EPHA5: variants seen among roughly 807,000 people sequenced by gnomAD.
EPHA5 encodes the protein EPH receptor A5.
Under a neutral mutation model 105.0 loss-of-function variants are expected in EPHA5, and 60 were observed. The ratio of observed to expected loss-of-function variants is 0.57; its 90% CI spans 0.46 to 0.71. The LOEUF (loss-of-function observed/expected upper bound fraction) is 0.71, where lower values mean the gene tolerates loss of function less well. EPHA5 is among the 30% of genes least tolerant of loss of function. The pLI, the probability that EPHA5 is intolerant of heterozygous loss-of-function variation, is 0.00. For synonymous variants in EPHA5, 513 were observed against 449.1 expected (o/e 1.14, Z -1.80); for missense variants, 1,218 against 1,274.7 (o/e 0.96, Z 0.68).
chr4:65,581,392 G>T (rs555009031), intron 3 of EPHA5, among the ~76,000 whole-genome samples: 33 of 151,642 alleles, frequency 2.2e-4, no homozygotes, highest in African/African-American at 7.7e-4. Context: ...AAAGATTAGA[G>T]GGTAAATTAT....
At chr4:65,515,245 T>C (rs1733993536) in intron 3 of EPHA5, among the ~76,000 whole-genome samples, 1 of 152,252 alleles carries the variant, frequency 6.6e-6, no homozygotes, top group East Asian at 1.9e-4. Flanking sequence ...TTTAAACAAA[T>C]CTTGTATTCA....
Position 65,540,840 on chromosome 4 carries a change from C to G in EPHA5, c.911-45297G>C, listed in dbSNP as rs115805994. ...AGAGATCCCATCCCCACCTTTACCT[C>G]AGAATCACATAGCAGTCAATTTTAT... On this transcript the variant is annotated intron_variant, in intron 3 of 16. Coordinates refer to ENST00000613740, the MANE Select transcript of EPHA5 (RefSeq NM_001281766.3). Among the ~76,000 whole-genome samples the G allele has an allele frequency of 9.1e-3, 1,320 of 144,930 alleles. 27 individuals are homozygous for G. Among genetic ancestry groups the G allele is most frequent in the African/African-American group, 0.031 (1,241 of 39,712 alleles).
At chr4:65,423,534 C>T (rs1724132572) in intron 5 of EPHA5, among the ~76,000 whole-genome samples, 1 of 151,930 alleles carries the variant, frequency 6.6e-6, no homozygotes, top group Admixed American at 6.6e-5. Flanking sequence ...ATCAATATGA[C>T]ATGGATATTT....
chr4:65,503,934 C>T (rs1732747349), intron 3 of EPHA5, among the ~76,000 whole-genome samples: 1 of 151,340 alleles, frequency 6.6e-6, no homozygotes, highest in African/African-American at 2.4e-5. Context: ...CACACACACA[C>T]ACACACACAC....
At chr4:65,411,789 G>A (rs965149355) in intron 7 of EPHA5, among the ~76,000 whole-genome samples, 1 of 152,128 alleles carries the variant, frequency 6.6e-6, no homozygotes, top group African/African-American at 2.4e-5. Context: ...AATTATCATT[G>A]TGTATCTTCT....
intron 3 of EPHA5, among the ~76,000 whole-genome samples, chr4:65,586,137 T>C (rs1057152453): frequency 4.6e-5 from 7 of 151,702 alleles, no homozygotes; most frequent in Non-Finnish European, 1.0e-4. Context: ...AATGAGAAAG[T>C]ATCAATAAGT....
chr4:65,485,501 G>C (rs939894475), intron 5 of EPHA5, among the ~76,000 whole-genome samples: 6 of 151,966 alleles, frequency 3.9e-5, no homozygotes, highest in African/African-American at 1.4e-4. Flanking sequence ...ATTATTACAT[G>C]CAAAAAAGTA....
chr4:65,455,377 A>C (rs996365937), intron 5 of EPHA5, among the ~76,000 whole-genome samples: 1 of 152,242 alleles, frequency 6.6e-6, no homozygotes, highest in Non-Finnish European at 1.5e-5. Flanking sequence ...ACAAGCAAAC[A>C]GCTGGACATC....
chr4:65,362,836 C>A (rs1054927526), intron 11 of EPHA5, among the ~76,000 whole-genome samples: 1 of 151,426 alleles, frequency 6.6e-6, no homozygotes, highest in African/African-American at 2.4e-5. Flanking sequence ...ATTTAGGATA[C>A]GATCTTTGTC....
chr4:65,361,944 A>G (rs1717369978), intron 11 of EPHA5, among the ~76,000 whole-genome samples: 2 of 151,578 alleles, frequency 1.3e-5, no homozygotes, highest in South Asian at 4.1e-4. Flanking sequence ...TGAAAAAATT[A>G]CAACTTTTTT....
At chr4:65,456,219 C>A (rs1727569144) in intron 5 of EPHA5, among the ~76,000 whole-genome samples, 1 of 152,146 alleles carries the variant, frequency 6.6e-6, no homozygotes, top group Admixed American at 6.5e-5. Context: ...AAAGGAATTT[C>A]TATTGCAGAG....
chr4:65,562,676 T>C (rs1188246838), intron 3 of EPHA5, among the ~76,000 whole-genome samples: 1 of 152,102 alleles, frequency 6.6e-6, no homozygotes, highest in East Asian at 1.9e-4. Context: ...TGACTTTTTC[T>C]ATTACGTTAC....
chr4:65,601,568 T>C (rs2149436252), intron 3 of EPHA5, 73 bp downstream of exon 3: 1 of 1,334,396 alleles, frequency 7.5e-7, no homozygotes, highest in South Asian at 1.4e-5. Flanking sequence ...TTCCTCATAA[T>C]CATTGGAGGA....
At chr4:65,597,344 G>C (rs1743287733) in intron 3 of EPHA5, among the ~76,000 whole-genome samples, 1 of 151,992 alleles carries the variant, frequency 6.6e-6, no homozygotes, top group African/African-American at 2.4e-5. Context: ...ATAATCACAA[G>C]AGAACTCAGC....
intron 5 of EPHA5, among the ~76,000 whole-genome samples, chr4:65,478,063 G>T (rs78169680): frequency 0.011 from 1,707 of 152,278 alleles, 37 homozygotes; most frequent in African/African-American, 0.039. Flanking sequence ...AATTGGATTA[G>T]AATCCCATCT....
At chr4:65,352,085 T>A (rs1246056787) in intron 12 of EPHA5, among the ~76,000 whole-genome samples, 1 of 151,984 alleles carries the variant, frequency 6.6e-6, no homozygotes, top group Admixed American at 6.6e-5. Context: ...TGGAAGTTTG[T>A]CGTCTTTGTC....
At chr4:65,408,810 T>A (rs36163034) in intron 7 of EPHA5, among the ~76,000 whole-genome samples, 10,751 of 151,364 alleles carry the variant, frequency 0.071, 603 homozygotes, top group African/African-American at 0.15. Context: ...GAACTAGAAA[T>A]ACCATTTGAC....
intron 14 of EPHA5, among the ~76,000 whole-genome samples, chr4:65,336,613 A>G (rs1721210237): frequency 6.6e-6 from 1 of 152,134 alleles, no homozygotes; most frequent in Non-Finnish European, 1.5e-5. Flanking sequence ...GATAAGTCAA[A>G]GGCTAAATTA....
Position 65,324,742 on chromosome 4 carries a change from CTTTT to C in EPHA5, c.2946-527_2946-524del, listed in dbSNP as rs368440921. On this transcript the variant is annotated intron_variant, in intron 16 of 16. Transcript: ENST00000613740. ...ACATTGCTTTTATAACAATGTTTTA[CTTTT>C]TTTTTTTTTTTTTTACTTTATACTG... Among the ~76,000 whole-genome samples the C allele has an allele frequency of 1.4e-3, 190 of 131,344 alleles. 1 individual carries two copies. The highest frequency in any genetic ancestry group is 5.1e-3 in the African/African-American group (183 of 36,172). The allele number at this position is 131,344 out of a possible 152,430, so 86.2% of individuals were successfully genotyped here. A position where few individuals can be genotyped will look rare whatever the true frequency, so the allele number is the denominator to read the frequency against.
Sources: gnomAD v4.1 joint callset for allele counts (sites outside exome capture counted in the v4.1 genomes callset) on GRCh38, gnomAD v4.1.1 for gene constraint, MANE v1.5 for transcripts, NCBI Gene and HGNC (gene_info 2026-07-23, HGNC 2026-07-21) for gene names.